The following ZNF35 variants were observed in gnomAD, a reference collection of about 807,000 sequenced individuals.
ZNF35 encodes the protein zinc finger protein 35.
In ZNF35, 31 loss-of-function variants were observed where a neutral mutation model predicts 45.9. The observed-to-expected ratio is 0.68, with a 90% CI of 0.51 to 0.91. The LOEUF (loss-of-function observed/expected upper bound fraction) is 0.91. ZNF35 is among the 40% of genes least tolerant of loss of function. The pLI is 0.00. For missense variants in ZNF35, 515 were observed against 625.4 expected (o/e 0.82, Z 1.88); for synonymous variants, 205 against 220.2 (o/e 0.93, Z 0.61).
Position 44,659,579 on chromosome 3 carries a change from A to G in ZNF35, c.1216A>G (p.Ile406Val). 1 of 1,613,956 alleles carries G rather than the reference A, an allele frequency of 6.2e-7. No homozygotes were observed. Among genetic ancestry groups the G allele is most frequent in the Non-Finnish European group, 8.5e-7 (1 of 1,179,950 alleles). The change falls in exon 4 of 4, where the codon ATT becomes GTT. Residue 406 changes from isoleucine (I) to valine (V), a missense_variant. By Grantham distance (29) the Ile-to-Val change is conservative. This residue lies in a region of ZNF35 where 232 missense variants were observed against 304.6 expected (regional missense o/e 0.76). Transcript: ENST00000396056. This position sits in a 1 kb window ranked among gnomAD's most constrained non-coding sequence, Gnocchi z 4.3. ...AGCCTTTAGTTGTTTTTCACACCTT[A>G]TTGTGCACCAGAGAATTCACACTGC... ...GKAFSCFSHL[I>V]VHQRIHTAEK...
In ZNF35 at chr3:44,659,303, G is replaced by C. The variant is rs754751182; in HGVS notation, c.940G>C (p.Ala314Pro). Residue 314 changes from alanine to proline, a missense_variant, in exon 4 of 4, where the codon GCC becomes CCC. Ala to Pro is a conservative substitution (Grantham distance 27). This residue lies in a region of ZNF35 where 232 missense variants were observed against 304.6 expected (regional missense o/e 0.76). Coordinates refer to ENST00000396056, the MANE Select transcript of ZNF35 (RefSeq NM_003420.4). This position sits in a 1 kb window ranked among gnomAD's most constrained non-coding sequence, Gnocchi z 4.3. ...TTTTAAGTGCAATGAATGTGAGAAA[G>C]CCTTTAGTTACAGCTCACAACTTGC... Reference protein sequence around the residue: ...KTFKCNECEKAFSYSSQLARH... With the variant: ...KTFKCNECEKPFSYSSQLARH... 1 of 1,614,110 alleles carries C rather than the reference G, an allele frequency of 6.2e-7. No homozygotes were observed. Among genetic ancestry groups the C allele is most frequent in the South Asian group, 1.1e-5 (1 of 91,056 alleles).
In ZNF35 at chr3:44,658,707, A is replaced by C; in HGVS notation, c.344A>C (p.Glu115Ala). ...THGTMNFLGA[E>A]TKNLQLLVPK... ...TTTCTGTTTCTTGGTTCAGGTGCTG[A>C]AACCAAGAACCTACAGTTACTGGTT... Residue 115 changes from glutamate (E) to alanine (A), a missense_variant, in exon 4 of 4, where the codon GAA becomes GCA. Physicochemically the swap from Glu to Ala is moderately radical, Grantham distance 107. This residue lies in a region of ZNF35 where 275 missense variants were observed against 295.7 expected (regional missense o/e 0.93). Coordinates refer to ENST00000396056, the MANE Select transcript of ZNF35 (RefSeq NM_003420.4). 1 of 1,559,562 alleles carries C rather than the reference A, an allele frequency of 6.4e-7. No individual in the cohort carries two copies. Among genetic ancestry groups the C allele is most frequent in the South Asian group, 1.2e-5 (1 of 80,964 alleles).
chr3:44,654,357 T>A (rs1464707937), intron 3 of ZNF35, among the ~76,000 whole-genome samples: 2 of 152,220 alleles, frequency 1.3e-5, no homozygotes, highest in Non-Finnish European at 2.9e-5. Flanking sequence ...GTTGCTGCCC[T>A]GCCTGTAATA....
At chr3:44,654,591 G>T (rs558004895) in intron 3 of ZNF35, among the ~76,000 whole-genome samples, 36 of 152,250 alleles carry the variant, frequency 2.4e-4, no homozygotes, top group Middle Eastern at 6.8e-3. Flanking sequence ...TAATATACAT[G>T]AAAGTGCTTT....
chr3:44,648,695 C>G (rs1420827429), upstream of ZNF35: 1 of 152,130 alleles, frequency 6.6e-6, no homozygotes. Context: ...GCCGGCTTGG[C>G]GACTTGGGGA....
chr3:44,657,662 G>A (rs1316301457), intron 3 of ZNF35, among the ~76,000 whole-genome samples: 1 of 152,204 alleles, frequency 6.6e-6, no homozygotes, highest in African/African-American at 2.4e-5. Context: ...GCATTGTGGA[G>A]CAGGCTATGC....
At position 44,660,131 on chromosome 3, in the gene ZNF35, T is replaced by C. The variant is rs756015763; in HGVS notation, c.*184T>C. 3.3e-5 allele frequency: 19 copies of C among 581,340 alleles called. No individual in the cohort carries two copies. Among genetic ancestry groups the C allele is most frequent in the Non-Finnish European group, 4.9e-5 (18 of 364,210 alleles). 36.0% of individuals were successfully genotyped at this position (581,340 alleles called of 1,614,324 possible). A position where few individuals can be genotyped will look rare whatever the true frequency, so the allele number is the denominator to read the frequency against. On this transcript the variant is annotated 3_prime_UTR_variant, in exon 4 of 4. Transcript: ENST00000396056. ...TCAGAGGCTAATTTAAAACAAAAAG[T>C]AAGCACCTAAAGGCAAGGACTTTGT... is the stretch of plus-strand genomic sequence containing the variant.
rs745386360 is a variant in ZNF35 at position 44,659,640 on chromosome 3, C to G, written c.1277C>G (p.Ala426Gly). The change falls in exon 4 of 4, where the codon GCC becomes GGC. Residue 426 changes from alanine to glycine, a missense_variant. This residue lies in a region of ZNF35 where 232 missense variants were observed against 304.6 expected (regional missense o/e 0.76). Coordinates refer to ENST00000396056, the MANE Select transcript of ZNF35 (RefSeq NM_003420.4). This position sits in a 1 kb window ranked among gnomAD's most constrained non-coding sequence, Gnocchi z 4.3. ...TACGACTGCAGCGAATGTGGGAAAG[C>G]CTTCAGTCAGCTCTCTTGCCTTATT... ...KPYDCSECGK[A>G]FSQLSCLIVH... is the part of the protein sequence containing the mutation. The G allele has an allele frequency of 1.9e-6, 3 of 1,614,166 alleles. No individual in the cohort carries two copies. Among genetic ancestry groups the G allele is most frequent in the Admixed American group, 3.3e-5 (2 of 60,028 alleles).
chr3:44,649,051 G>A (rs1366910043), intron 1 of ZNF35, among the ~76,000 whole-genome samples: 2 of 152,216 alleles, frequency 1.3e-5, no homozygotes, highest in Non-Finnish European at 2.9e-5. Flanking sequence ...GACCGGCCAA[G>A]GGGCCAGATA....
Position 44,655,048 on chromosome 3 carries a change from C to T in ZNF35, c.337+2347C>T, listed in dbSNP as rs371509812. Among the ~76,000 whole-genome samples, 10 of 152,196 alleles carry T rather than the reference C, an allele frequency of 6.6e-5. No individual in the cohort carries two copies. In the East Asian group the frequency reaches 1.4e-3, roughly 21 times the overall value. Reference sequence around the variant, plus strand: ...ACTTGGGAAGCTGAAGCAGGAGAATCGCTTGAACCCGGGAGACAGAGGTTG... The same window carrying T: ...ACTTGGGAAGCTGAAGCAGGAGAATTGCTTGAACCCGGGAGACAGAGGTTG... On this transcript the variant is annotated intron_variant, in intron 3 of 3. Coordinates refer to ENST00000396056, the MANE Select transcript of ZNF35 (RefSeq NM_003420.4).
chr3:44,657,395 T>C (rs1012943173), intron 3 of ZNF35, among the ~76,000 whole-genome samples: 12 of 152,358 alleles, frequency 7.9e-5, no homozygotes, highest in African/African-American at 2.2e-4. Flanking sequence ...TTTATTTCAC[T>C]TGCCTTATTT....
chr3:44,657,967 A>G (rs147331301), intron 3 of ZNF35, among the ~76,000 whole-genome samples: 107 of 152,308 alleles, frequency 7.0e-4, no homozygotes, highest in African/African-American at 2.3e-3. Flanking sequence ...GGTAGATACT[A>G]TTAGTATCCC....
intron 3 of ZNF35, among the ~76,000 whole-genome samples, chr3:44,652,913 CAT>C (rs1303177059): frequency 6.6e-6 from 1 of 152,150 alleles, no homozygotes; most frequent in Non-Finnish European, 1.5e-5. Context: ...ACTAGACAAA[CAT>C]AGGTGTTGTG....
intron 1 of ZNF35, among the ~76,000 whole-genome samples, chr3:44,649,500 T>A (rs1200898328): frequency 1.3e-5 from 2 of 152,184 alleles, no homozygotes; most frequent in South Asian, 2.1e-4. Flanking sequence ...GAAAGAAAAA[T>A]TTCAATCTCT....
intron 1 of ZNF35, among the ~76,000 whole-genome samples, chr3:44,649,844 A>G (rs1703150964): frequency 6.6e-6 from 1 of 152,252 alleles, no homozygotes; most frequent in Admixed American, 6.5e-5. Context: ...TTAGAATACT[A>G]TGCCAGAATG....
In ZNF35 at chr3:44,659,075, G is replaced by A. The variant is rs138185290; in HGVS notation, c.712G>A (p.Val238Ile). 8.1e-4 allele frequency: 1,305 copies of A among 1,614,172 alleles called. 15 individuals carry two copies. In the South Asian group the frequency reaches 0.013, roughly 16 times the overall value. ...AGGATTTAGTCAGAGTGCAAACCTC[G>A]TTGTGCATCAGCGAATCCACACTGG... The part of the protein sequence containing the change: ...GKGFSQSANL[V>I]VHQRIHTGEK... Residue 238 changes from valine (V) to isoleucine (I), a missense_variant, in exon 4 of 4, where the codon GTT (valine) becomes ATT (isoleucine). By Grantham distance (29) the Val-to-Ile change is conservative. Around this residue, in one of 3 missense-constraint regions of ZNF35, gnomAD observed 275 missense variants for 295.7 expected, o/e 0.93. Transcript: ENST00000396056. The surrounding 1 kb of genome is among the most constrained non-coding windows in gnomAD (Gnocchi z 4.3).
At chr3:44,656,687 CTTTT>C (rs530605241) in intron 3 of ZNF35, among the ~76,000 whole-genome samples, 2 of 134,862 alleles carry the variant, frequency 1.5e-5, no homozygotes, top group Admixed American at 7.4e-5. Flanking sequence ...CTGCACCCGG[CTTTT>C]TTTTTTTTTT....
chr3:44,648,406 A>G (rs1445376284), upstream of ZNF35: 1 of 152,234 alleles, frequency 6.6e-6, no homozygotes, highest in Non-Finnish European at 1.5e-5. Context: ...CGGGTATTCA[A>G]TGTGCCATAC....
chr3:44,651,082 G>A lies in ZNF35; in HGVS notation c.15G>A (p.Leu5=). Residue 5 remains leucine (L), a synonymous_variant, in exon 2 of 4, where the codon TTG becomes TTA. Transcript: ENST00000396056. MTAE[L]REAMALAPWG... Reference sequence around the variant, plus strand: ...GAGCAGAGAAGATGACTGCAGAATTGAGAGAAGCCATGGCCCTAGCCCCAT... The same window carrying A: ...GAGCAGAGAAGATGACTGCAGAATTAAGAGAAGCCATGGCCCTAGCCCCAT... The A allele has an allele frequency of 6.2e-7, 1 of 1,613,596 alleles. No individual in the cohort carries two copies. Among genetic ancestry groups the A allele is most frequent in the Non-Finnish European group, 8.5e-7 (1 of 1,179,960 alleles).
Sources: gnomAD v4.1 joint callset for allele counts (sites outside exome capture counted in the v4.1 genomes callset) on GRCh38, gnomAD v4.1.1 for gene constraint, gnomAD v4.1.1 regional missense constraint, Gnocchi (gnomAD v3.1) non-coding constraint, MANE v1.5 for transcripts, NCBI Gene and HGNC (gene_info 2026-07-23, HGNC 2026-07-21) for gene names.